KLF8: variants seen among roughly 807,000 people sequenced by gnomAD.
The protein encoded by KLF8 is Krueppel-like factor 8.
A neutral mutation model predicts 18.2 loss-of-function variants in KLF8; 10 were observed. The ratio of observed to expected loss-of-function variants is 0.55; its 90% CI spans 0.34 to 0.93. The LOEUF is 0.93. Among genes scored for constraint, KLF8 ranks in the 40% least tolerant of loss-of-function variants. The pLI, the probability that KLF8 is intolerant of heterozygous loss-of-function variation, is 0.02. For synonymous variants in KLF8, 109 were observed against 97.3 expected, an observed-to-expected ratio of 1.12 and a Z score of -0.71; for missense variants, 264 against 277.9, an observed-to-expected ratio of 0.95 and a Z score of 0.36.
the KLF8 span, among the ~76,000 whole-genome samples, chrX:56,023,894 T>TG: frequency 1.8e-5 from 2 of 111,859 alleles, no homozygotes; most frequent in African/African-American, 3.2e-5. Flanking sequence ...GATGGACATT[T>TG]ATTTAGGTTG....
At chrX:56,031,768 G>A in the KLF8 span, among the ~76,000 whole-genome samples, 115 of 111,483 alleles carry the variant, frequency 1.0e-3, no homozygotes, top group Non-Finnish European at 2.0e-3. Flanking sequence ...AGGTAGTGAA[G>A]GTAGTGGCTT....
chrX:56,086,629 C>T, the KLF8 span, among the ~76,000 whole-genome samples: 3 of 110,466 alleles, frequency 2.7e-5, no homozygotes, highest in African/African-American at 9.9e-5. Context: ...TATTCATATT[C>T]TTCTTATAGT....
chrX:56,158,260 G>T, the KLF8 span, among the ~76,000 whole-genome samples: 3 of 111,579 alleles, frequency 2.7e-5, no homozygotes, highest in Non-Finnish European at 5.7e-5. Context: ...TCTCTGTTTT[G>T]GTACCAGTAC....
At chrX:56,118,397 C>A in the KLF8 span, among the ~76,000 whole-genome samples, 1 of 111,331 alleles carries the variant, frequency 9.0e-6, no homozygotes, top group Non-Finnish European at 1.9e-5. Flanking sequence ...GTCAGATAAA[C>A]CTTAAATGGT....
chrX:56,133,194 C>T, the KLF8 span, among the ~76,000 whole-genome samples: 3 of 111,089 alleles, frequency 2.7e-5, no homozygotes, highest in African/African-American at 9.8e-5. Flanking sequence ...ATACCAAAAC[C>T]AGAAAAGGAC....
At chrX:56,203,677 G>C in the KLF8 span, among the ~76,000 whole-genome samples, 67 of 111,981 alleles carry the variant, frequency 6.0e-4, no homozygotes, top group South Asian at 1.1e-3. Context: ...ATTTATTGAA[G>C]AGATGGTCCA....
At chrX:56,243,559 C>T (rs1192589172) in intron 1 of KLF8, 5 of 77,974 alleles carry the variant, frequency 6.4e-5, no homozygotes, top group Non-Finnish European at 8.4e-5. Context: ...TTTTTTGAGA[C>T]GGAGTCTCAC....
chrX:56,114,365 A>G, the KLF8 span, among the ~76,000 whole-genome samples: 3 of 112,956 alleles, frequency 2.7e-5, no homozygotes, highest in Non-Finnish European at 3.7e-5. Context: ...CTTGGGACCC[A>G]AGGACCTCCT....
At chrX:56,282,904 A>G (rs1018571954) in intron 5 of KLF8, among the ~76,000 whole-genome samples, 23 of 111,873 alleles carry the variant, frequency 2.1e-4, no homozygotes, top group Non-Finnish European at 3.8e-4. Flanking sequence ...TTATTATATG[A>G]TACAACATTA....
the KLF8 span, among the ~76,000 whole-genome samples, chrX:56,150,079 G>T: frequency 1.8e-5 from 2 of 111,813 alleles, no homozygotes; most frequent in Non-Finnish European, 3.8e-5. Flanking sequence ...CTTCTCTGTT[G>T]TACATAGCCC....
At chrX:56,201,610 C>A in the KLF8 span, among the ~76,000 whole-genome samples, 1 of 111,241 alleles carries the variant, frequency 9.0e-6, no homozygotes, top group African/African-American at 3.3e-5. Context: ...TAAGTGATCT[C>A]ACAAGAAAGA....
At chrX:56,120,940 A>G in the KLF8 span, among the ~76,000 whole-genome samples, 18 of 111,230 alleles carry the variant, frequency 1.6e-4, no homozygotes, top group South Asian at 6.5e-3. Context: ...TAATCCCAGC[A>G]CTTTTGGAGG....
the KLF8 span, among the ~76,000 whole-genome samples, chrX:55,972,590 C>T: frequency 1.8e-5 from 2 of 111,117 alleles, no homozygotes; most frequent in Non-Finnish European, 3.8e-5. Context: ...ACTACATTTA[C>T]CCTGATGTGA....
At chrX:56,203,792 T>C in the KLF8 span, among the ~76,000 whole-genome samples, 1 of 112,038 alleles carries the variant, frequency 8.9e-6, no homozygotes, top group Admixed American at 9.5e-5. Context: ...TATGTGTCTT[T>C]TCATGCCAGT....
At chrX:55,968,439 G>T in the KLF8 span, among the ~76,000 whole-genome samples, 1 of 112,219 alleles carries the variant, frequency 8.9e-6, no homozygotes, top group Non-Finnish European at 1.9e-5. Context: ...AAAAATGCAG[G>T]AGTAGTTATA....
At chrX:56,031,431 A>G in the KLF8 span, among the ~76,000 whole-genome samples, 14 of 112,229 alleles carry the variant, frequency 1.2e-4, no homozygotes, top group Admixed American at 2.8e-4. Context: ...TGGAGTGGGC[A>G]AGTTTCAAAG....
At chrX:56,161,754 C>T in the KLF8 span, among the ~76,000 whole-genome samples, 11 of 111,920 alleles carry the variant, frequency 9.8e-5, no homozygotes, top group African/African-American at 2.9e-4. Flanking sequence ...TCATCTGAAG[C>T]CTTCTGCTCT....
the KLF8 span, among the ~76,000 whole-genome samples, chrX:55,988,256 T>G: frequency 9.0e-6 from 1 of 111,114 alleles, no homozygotes; most frequent in East Asian, 2.8e-4. Context: ...TTTTGGTGTT[T>G]TAGACATGAA....
At chrX:55,931,055 A>G in the KLF8 span, among the ~76,000 whole-genome samples, 1 of 111,703 alleles carries the variant, frequency 9.0e-6, no homozygotes, top group African/African-American at 3.3e-5. Flanking sequence ...TACTGCCTCA[A>G]TTTCAGAACT....
Sources: allele counts gnomAD v4.1 joint callset (sites outside exome capture counted in the v4.1 genomes callset), GRCh38; gene constraint gnomAD v4.1.1; transcripts MANE v1.5; gene names NCBI Gene and HGNC (gene_info 2026-07-23, HGNC 2026-07-21).